HMCN1: variants seen among roughly 807,000 people sequenced by gnomAD.
HMCN1 encodes hemicentin 1, also known as hemicentin-1.
A neutral mutation model predicts 625.9 loss-of-function variants in HMCN1; 321 were observed. That is an observed-to-expected ratio of 0.51 (90% CI 0.47 to 0.56). HMCN1 has a LOEUF of 0.56. Ranked by LOEUF, HMCN1 falls within the 20% of genes least tolerant of loss-of-function variation. HMCN1 has a pLI of 0.00. For synonymous variants in HMCN1, 2,425 were observed against 2,417.6 expected (o/e 1.00, Z -0.09); for missense variants, 6,588 against 6,887.3 (o/e 0.96, Z 1.54).
intron 100 of HMCN1, among the ~76,000 whole-genome samples, chr1:186,167,353 G>A (rs1003772984): frequency 3.9e-5 from 6 of 152,118 alleles, no homozygotes; most frequent in African/African-American, 1.2e-4. Flanking sequence ...AACAGTTTTA[G>A]GTTCACAGCA....
Position 186,018,283 on chromosome 1 carries a change from G to A in HMCN1, c.5401G>A (p.Gly1801Ser), listed in dbSNP as rs1261169414. ...TGCTCAGGCTCAAGTGTCAAACACA[G>A]GCCTTTATCGGTGCATGGCAGCAAA... ...VIAQAQVSNT[G>S]LYRCMAANTA... The change falls in exon 34 of 107, where the codon GGC (glycine) becomes AGC (serine). Residue 1801 changes from glycine to serine, a missense_variant. Gly to Ser is a moderately conservative substitution (Grantham distance 56). Coordinates refer to ENST00000271588, the MANE Select transcript of HMCN1 (RefSeq NM_031935.3). 1.9e-6 allele frequency: 3 copies of A among 1,612,868 alleles called. No individual in the cohort carries two copies. Among genetic ancestry groups the A allele is most frequent in the Non-Finnish European group, 2.5e-6 (3 of 1,179,206 alleles).
intron 1 of HMCN1, among the ~76,000 whole-genome samples, chr1:185,744,671 A>G (rs191331582): frequency 3.3e-5 from 5 of 152,316 alleles, no homozygotes; most frequent in Admixed American, 2.6e-4. Flanking sequence ...GCAGACCCAG[A>G]GCAGTGCACC....
chr1:185,869,485 T>C (rs760051101), intron 4 of HMCN1, among the ~76,000 whole-genome samples: 5 of 152,138 alleles, frequency 3.3e-5, no homozygotes, highest in Non-Finnish European at 7.4e-5. Flanking sequence ...TGTGCCATCA[T>C]GTTTGCTAGA....
intron 52 of HMCN1, among the ~76,000 whole-genome samples, chr1:186,074,139 A>G (rs1658647542): frequency 6.6e-6 from 1 of 152,054 alleles, no homozygotes; most frequent in African/African-American, 2.4e-5. Context: ...AAGATGGGAG[A>G]TGTTCTATTA....
At chr1:185,946,869 C>A (rs1668374557) in intron 11 of HMCN1, among the ~76,000 whole-genome samples, 1 of 152,086 alleles carries the variant, frequency 6.6e-6, no homozygotes, top group African/African-American at 2.4e-5. Flanking sequence ...TCCTTACAAC[C>A]TATACTGGGG....
At chr1:185,874,727 T>C (rs1663825689) in intron 4 of HMCN1, among the ~76,000 whole-genome samples, 1 of 151,982 alleles carries the variant, frequency 6.6e-6, no homozygotes, top group Non-Finnish European at 1.5e-5. Context: ...GAAAAAAAAT[T>C]CAGAATTCTA....
chr1:185,818,669 A>T (rs1659989151), intron 1 of HMCN1, among the ~76,000 whole-genome samples: 1 of 152,130 alleles, frequency 6.6e-6, no homozygotes, highest in Non-Finnish European at 1.5e-5. Flanking sequence ...AATGCTTGCA[A>T]CTGGCTAAAT....
At chr1:186,005,379 A>G (rs1275388199) in intron 29 of HMCN1, among the ~76,000 whole-genome samples, 1 of 146,780 alleles carries the variant, frequency 6.8e-6, no homozygotes, top group East Asian at 2.0e-4. Context: ...ATTGTTTATA[A>G]ATGTTTATAA....
At chr1:185,863,929 A>G (rs1355071281) in intron 2 of HMCN1, among the ~76,000 whole-genome samples, 2 of 152,188 alleles carry the variant, frequency 1.3e-5, no homozygotes, top group African/African-American at 4.8e-5. Context: ...GATTTAGTAA[A>G]GAGTGTGATG....
chr1:186,164,869 AAATAACTTAC>A (rs1194786518), intron 97 of HMCN1, among the ~76,000 whole-genome samples: 1 of 152,242 alleles, frequency 6.6e-6, no homozygotes, highest in Non-Finnish European at 1.5e-5. Context: ...TTATTGATGT[AAATAACTTAC>A]ACACGAAACC....
At chr1:185,946,149 C>T (rs573360425) in intron 11 of HMCN1, among the ~76,000 whole-genome samples, 11 of 152,248 alleles carry the variant, frequency 7.2e-5, no homozygotes, top group Non-Finnish European at 1.3e-4. Flanking sequence ...CCAAGGCAAG[C>T]GTTCTTCCAG....
chr1:186,104,952 A>C (rs2102448224), intron 69 of HMCN1, among the ~76,000 whole-genome samples: 1 of 152,336 alleles, frequency 6.6e-6, no homozygotes, highest in African/African-American at 2.4e-5. Context: ...AGTATGTGGA[A>C]TAGAATCATG....
intron 15 of HMCN1, among the ~76,000 whole-genome samples, chr1:185,970,802 G>A (rs748993880): frequency 6.6e-6 from 1 of 151,976 alleles, no homozygotes; most frequent in Non-Finnish European, 1.5e-5. Flanking sequence ...GGGATTGCAG[G>A]CGCCTGCCAC....
chr1:185,869,491 C>G (rs1246246234), intron 4 of HMCN1, among the ~76,000 whole-genome samples: 1 of 151,940 alleles, frequency 6.6e-6, no homozygotes, highest in African/African-American at 2.4e-5. Flanking sequence ...ATCATGTTTG[C>G]TAGAAATTAG....
At chr1:185,982,930 TATTAA>T (rs1383200497) in intron 18 of HMCN1, among the ~76,000 whole-genome samples, 5 of 152,142 alleles carry the variant, frequency 3.3e-5, no homozygotes, top group African/African-American at 9.6e-5. Context: ...CATAATTTTA[TATTAA>T]ATTCAGTGTC....
At chr1:186,116,861 A>C in intron 75 of HMCN1, 133 bp from the exon 76 acceptor site, 5 of 1,000,024 alleles carry the variant, frequency 5.0e-6, no homozygotes, top group Non-Finnish European at 7.6e-6. Flanking sequence ...GGCCTCAGGG[A>C]CATGATGTTA....
chr1:186,033,685 G>A (rs1290782175), intron 36 of HMCN1, among the ~76,000 whole-genome samples: 1 of 152,052 alleles, frequency 6.6e-6, no homozygotes, highest in Non-Finnish European at 1.5e-5. Flanking sequence ...CTGATTTAAA[G>A]TTTTTGTCTA....
chr1:186,001,482 G>T (rs1199586598), intron 27 of HMCN1, 54 bp downstream of exon 27: 6 of 1,597,636 alleles, frequency 3.8e-6, no homozygotes, highest in Admixed American at 1.7e-5. Context: ...TCTGAAGTAG[G>T]TTGTTCAGAT....
At chr1:186,162,332 C>G (rs1363512094) in intron 97 of HMCN1, among the ~76,000 whole-genome samples, 1 of 150,104 alleles carries the variant, frequency 6.7e-6, no homozygotes, top group African/African-American at 2.5e-5. Flanking sequence ...CATTTTTTTT[C>G]AAAGTTTTTA....
Sources: allele counts gnomAD v4.1 joint callset (sites outside exome capture counted in the v4.1 genomes callset), GRCh38; gene constraint gnomAD v4.1.1; transcripts MANE v1.5; gene names NCBI Gene and HGNC (gene_info 2026-07-23, HGNC 2026-07-21).